BTBD3: variants seen among roughly 807,000 people sequenced by gnomAD.
The protein encoded by BTBD3 is BTB domain containing 3.
BTBD3 carries 14 observed loss-of-function variants against 41.6 expected under a neutral mutation model. That is an observed-to-expected ratio of 0.34 (90% CI 0.22 to 0.53). BTBD3 has a LOEUF of 0.53. BTBD3 is among the 20% of genes least tolerant of loss of function. BTBD3 has a pLI of 0.95. For missense variants in BTBD3, 426 were observed against 654.7 expected (o/e 0.65, Z 3.81); for synonymous variants, 249 against 233.7 (o/e 1.07, Z -0.60).
intron 2 of BTBD3, 128 bp downstream of exon 2, chr20:11,919,304 G>C: frequency 9.7e-6 from 13 of 1,342,214 alleles, no homozygotes; most frequent in Non-Finnish European, 1.3e-5. Context: ...ATTAGGGAGA[G>C]AGCGCACCCT....
intron 1 of BTBD3, among the ~76,000 whole-genome samples, chr20:11,904,660 A>G (rs2056843074): frequency 6.6e-6 from 1 of 152,226 alleles, no homozygotes; most frequent in South Asian, 2.1e-4. Flanking sequence ...TCAAAATTTA[A>G]AAAATTAAGT....
rs1293987976 is a variant in BTBD3 at position 11,924,198 on chromosome 20, G to C, written c.*532G>C. 6.6e-6 allele frequency: 1 copy of C among 152,472 alleles called. No individual in the cohort carries two copies. The highest frequency in any genetic ancestry group is 1.5e-5 in the Non-Finnish European group (1 of 68,304). The allele number at this position is 152,472 out of a possible 1,614,324, so 9.4% of individuals were successfully genotyped here. On this transcript the variant is annotated 3_prime_UTR_variant, in exon 4 of 4. Coordinates refer to ENST00000378226, the MANE Select transcript of BTBD3 (RefSeq NM_014962.4). ...TCGTTTTATTCCTTTTACATTTGTT[G>C]CTTCTGGGATTTAAAAAATTACTAA...
At chr20:11,909,537 G>GT (rs2056877023) in intron 1 of BTBD3, 3 of 152,086 alleles carry the variant, frequency 2.0e-5, no homozygotes, top group Admixed American at 6.6e-5. Context: ...CTTCATGTAT[G>GT]TTTAAGTTTT....
intron 1 of BTBD3, among the ~76,000 whole-genome samples, chr20:11,895,712 TGG>T (rs2056782775): frequency 1.3e-5 from 2 of 152,210 alleles, no homozygotes; most frequent in African/African-American, 4.8e-5. Flanking sequence ...TGTCTGCCAA[TGG>T]TCTACAGTGA....
At chr20:11,910,971 G>A (rs1164289425) in intron 1 of BTBD3, among the ~76,000 whole-genome samples, 1 of 152,146 alleles carries the variant, frequency 6.6e-6, no homozygotes, top group Non-Finnish European at 1.5e-5. Context: ...TTATTCTAAT[G>A]TAGTTCAGCC....
intron 1 of BTBD3, among the ~76,000 whole-genome samples, chr20:11,906,284 A>G (rs1245954251): frequency 1.7e-4 from 1 of 5,972 alleles, no homozygotes; most frequent in Non-Finnish European, 4.1e-4. Flanking sequence ...TTTTTTTTTG[A>G]GACGGAGTCT....
intron 1 of BTBD3, among the ~76,000 whole-genome samples, chr20:11,911,917 G>C (rs1267774378): frequency 1.3e-5 from 2 of 152,112 alleles, no homozygotes; most frequent in African/African-American, 4.8e-5. Context: ...GTATGTAAGA[G>C]CTATAATCGT....
At chr20:11,906,388 C>G (rs1211516922) in intron 1 of BTBD3, among the ~76,000 whole-genome samples, 1 of 149,390 alleles carries the variant, frequency 6.7e-6, no homozygotes, top group Non-Finnish European at 1.5e-5. Flanking sequence ...CTCAGCCTCT[C>G]AAGTAGCTGG....
intron 1 of BTBD3, among the ~76,000 whole-genome samples, chr20:11,902,524 C>T (rs1476857268): frequency 6.6e-6 from 1 of 152,142 alleles, no homozygotes; most frequent in Non-Finnish European, 1.5e-5. Context: ...TGCACAAGAA[C>T]CACCAGAGAT....
intron 1 of BTBD3, among the ~76,000 whole-genome samples, chr20:11,907,040 C>T (rs2056859217): frequency 6.6e-6 from 1 of 152,100 alleles, no homozygotes; most frequent in Non-Finnish European, 1.5e-5. Flanking sequence ...TCTTTACTAG[C>T]ACTATAAATA....
intron 1 of BTBD3, among the ~76,000 whole-genome samples, chr20:11,900,726 G>C (rs901171523): frequency 1.1e-4 from 7 of 65,810 alleles, no homozygotes; most frequent in African/African-American, 2.4e-4. Context: ...TTTTTTTTTT[G>C]AGACAGAGTG....
intron 1 of BTBD3, among the ~76,000 whole-genome samples, chr20:11,898,612 A>G (rs1292059661): frequency 6.6e-6 from 1 of 152,220 alleles, no homozygotes; most frequent in Non-Finnish European, 1.5e-5. Flanking sequence ...AGTGCCTAGC[A>G]CATAGAAGAT....
At chr20:11,912,767 T>C (rs1205150980) in intron 1 of BTBD3, among the ~76,000 whole-genome samples, 1 of 152,252 alleles carries the variant, frequency 6.6e-6, no homozygotes, top group Non-Finnish European at 1.5e-5. Context: ...TGGGTCTAAT[T>C]ACCCCATTTG....
Position 11,919,839 on chromosome 20 carries a change from A to C in BTBD3, c.536+3A>C. 1 of 1,610,618 alleles carries C rather than the reference A, an allele frequency of 6.2e-7. No homozygotes were observed. Among genetic ancestry groups the C allele is most frequent in the Non-Finnish European group, 8.5e-7 (1 of 1,176,780 alleles). ...GCTGCTTTTCTCGCTATGCTGAAGT[A>C]AGCATCATTCGTGTGTTTGGAAAGA... On this transcript the variant is annotated splice_donor_region_variant and intron_variant, in intron 3 of 3. Transcript: ENST00000378226.
chr20:11,926,414 T>C lies in BTBD3; in HGVS notation c.*2748T>C, dbSNP rs1429584600. The C allele has an allele frequency of 6.6e-6, 1 of 152,658 alleles. No homozygotes were observed. Among genetic ancestry groups the C allele is most frequent in the Non-Finnish European group, 1.5e-5 (1 of 68,036 alleles). The allele number at this position is 152,658 out of a possible 1,614,324, so 9.5% of individuals were successfully genotyped here. A position where few individuals can be genotyped will look rare whatever the true frequency, so the allele number is the denominator to read the frequency against. ...AGCTAATTCAAGACACTGTAGCCAC[T>C]TGTGCATCAGTGTGCTTGAATTTAG... is the stretch of plus-strand genomic sequence containing the variant. On this transcript the variant is annotated 3_prime_UTR_variant, in exon 4 of 4. Coordinates refer to ENST00000378226, the MANE Select transcript of BTBD3 (RefSeq NM_014962.4).
At chr20:11,899,795 CT>C (rs1281994716) in intron 1 of BTBD3, among the ~76,000 whole-genome samples, 1 of 152,088 alleles carries the variant, frequency 6.6e-6, no homozygotes, top group African/African-American at 2.4e-5. Flanking sequence ...TAGATTTTTA[CT>C]GTTGCAATTT....
At position 11,926,012 on chromosome 20, in the gene BTBD3, A is replaced by G. The variant is rs2057016506; in HGVS notation, c.*2346A>G. ...TTGAAAATTGTATTTAGAATAAGAA[A>G]TTTTACATTTTAAACCCTATTGTCC... On this transcript the variant is annotated 3_prime_UTR_variant, in exon 4 of 4. Transcript: ENST00000378226. 6.6e-6 allele frequency: 1 copy of G among 152,170 alleles called. No homozygotes were observed. The highest frequency in any genetic ancestry group is 2.1e-4 in the South Asian group (1 of 4,820). The allele number at this position is 152,170 out of a possible 1,614,324, so 9.4% of individuals were successfully genotyped here. A position where few individuals can be genotyped will look rare whatever the true frequency, so the allele number is the denominator to read the frequency against.
At chr20:11,908,285 C>G (rs7269156) in intron 1 of BTBD3, among the ~76,000 whole-genome samples, 21 of 125,776 alleles carry the variant, frequency 1.7e-4, no homozygotes, top group South Asian at 7.5e-4. Flanking sequence ...GAGTTCATAT[C>G]TCTGTTAACT....
intron 1 of BTBD3, among the ~76,000 whole-genome samples, chr20:11,905,104 G>T (rs774036860): frequency 5.3e-5 from 8 of 152,158 alleles, no homozygotes; most frequent in Admixed American, 3.9e-4. Context: ...GGCTCATGGT[G>T]GTGTAATCAA....
Sources: allele counts gnomAD v4.1 joint callset (sites outside exome capture counted in the v4.1 genomes callset), GRCh38; gene constraint gnomAD v4.1.1; transcripts MANE v1.5; gene names NCBI Gene and HGNC (gene_info 2026-07-23, HGNC 2026-07-21).